The following ATM variants were observed in gnomAD, a reference collection of about 807,000 sequenced individuals.
ATM encodes serine-protein kinase ATM.
Under a neutral mutation model 387.0 loss-of-function variants are expected in ATM, and 308 were observed. The ratio of observed to expected loss-of-function variants is 0.80; its 90% CI spans 0.73 to 0.87. The LOEUF (loss-of-function observed/expected upper bound fraction) is 0.87. Ranked by LOEUF, ATM falls within the 40% of genes least tolerant of loss-of-function variation. The probability of loss-of-function intolerance (pLI) is 0.00; values close to 1 mark genes in which losing one functional copy is unlikely to be tolerated. For missense variants in ATM, 3,312 were observed against 3,560.9 expected (o/e 0.93, Z 1.78); for synonymous variants, 1,156 against 1,187.3 (o/e 0.97, Z 0.54).
rs1060501695 is a variant in ATM, at chr11:108,335,098, C to G, written c.8140C>G (p.Gln2714Glu). 6.2e-7 allele frequency: 1 copy of G among 1,614,014 alleles called. No homozygotes were observed. The highest frequency in any genetic ancestry group is 8.5e-7 in the Non-Finnish European group (1 of 1,179,962). Residue 2714 changes from glutamine to glutamate, a missense_variant, in exon 55 of 63, where the codon CAG (glutamine) becomes GAG (glutamate). Around this residue, in one of 4 missense-constraint regions of ATM, gnomAD observed 1,405 missense variants for 1,604.4 expected, o/e 0.88. Transcript: ENST00000675843. The stretch of plus-strand genomic sequence containing the variant: ...AGGTTCCGATGGCAAGGAGAGGAGA[C>G]AGCTTGTTAAGGTGAGCCTTCCCTT... ...CVGSDGKERRQLVKGRDDLRQ... is the reference protein window; with the variant it reads ...CVGSDGKERRELVKGRDDLRQ...
chr11:108,256,561 T>C lies in ATM; in HGVS notation c.2250+221T>C, dbSNP rs626434. On this transcript the variant is annotated intron_variant, in intron 14 of 62. Coordinates refer to ENST00000675843, the MANE Select transcript of ATM (RefSeq NM_000051.4). The stretch of plus-strand genomic sequence containing the variant: ...ACTTTAAGTTCTGGGGTACATGATG[T>C]AGAGCATGCAGGTTTGTTACATAGA... Among the ~76,000 whole-genome samples the C allele has an allele frequency of 0.99, 151,280 of 152,248 alleles. 75,161 individuals carry two copies. Among genetic ancestry groups the C allele is most frequent in the Middle Eastern group, 1 (294 of 294 alleles).
chr11:108,320,622 G>A (rs2085136258), intron 44 of ATM, among the ~76,000 whole-genome samples: 1 of 152,040 alleles, frequency 6.6e-6, no homozygotes, highest in Non-Finnish European at 1.5e-5. Flanking sequence ...TGTGAAAAAA[G>A]GCTTAGAGAA....
intron 18 of ATM, among the ~76,000 whole-genome samples, chr11:108,270,858 G>A (rs1322790583): frequency 5.9e-5 from 9 of 152,030 alleles, no homozygotes; most frequent in Admixed American, 1.3e-4. Flanking sequence ...ACCACCCCTG[G>A]CTAATTTTTG....
At chr11:108,323,645 A>G (rs963601835) in intron 45 of ATM, among the ~76,000 whole-genome samples, 2 of 152,226 alleles carry the variant, frequency 1.3e-5, no homozygotes, top group South Asian at 2.1e-4. Flanking sequence ...GCTTGTATCA[A>G]AATATCACAC....
At chr11:108,360,440 A>T (rs2090588462) in intron 61 of ATM, among the ~76,000 whole-genome samples, 1 of 135,604 alleles carries the variant, frequency 7.4e-6, no homozygotes. Context: ...TCCCTAACTC[A>T]TTTTATGAGG....
intron 22 of ATM, among the ~76,000 whole-genome samples, chr11:108,275,978 A>G (rs555351004): frequency 6.6e-6 from 1 of 152,336 alleles, no homozygotes; most frequent in African/African-American, 2.4e-5. Flanking sequence ...CATTCTCCCC[A>G]TCACTTTCAG....
In ATM at chr11:108,272,536, C is replaced by T. The variant is rs1263930458; in HGVS notation, c.3082C>T (p.Leu1028=). ...GGAAAACTTACTTGATTTCAGGCAT[C>T]TAACAAAGGAGAGGAAATATATATT... ...FLTVIGAFWH[L]TKERKYIFSV... The change falls in exon 21 of 63, where the codon CTA becomes TTA. Residue 1028 remains leucine (L), a synonymous_variant. Coordinates refer to ENST00000675843, the MANE Select transcript of ATM (RefSeq NM_000051.4). 1 of 1,611,308 alleles carries T rather than the reference C, an allele frequency of 6.2e-7. No homozygotes were observed. The highest frequency in any genetic ancestry group is 8.5e-7 in the Non-Finnish European group (1 of 1,177,584).
At chr11:108,298,620 A>G (rs1370512535) in intron 33 of ATM, among the ~76,000 whole-genome samples, 1 of 152,176 alleles carries the variant, frequency 6.6e-6, no homozygotes, top group Non-Finnish European at 1.5e-5. Flanking sequence ...CTTTCCCCCT[A>G]AGATCAGGAA....
At chr11:108,226,532 A>G (rs1275530429) in intron 1 of ATM, 1 of 152,210 alleles carries the variant, frequency 6.6e-6, no homozygotes, top group South Asian at 2.1e-4. Context: ...TCCTTTTAAA[A>G]CAGAAATGTC....
At chr11:108,311,880 A>C (rs1263892671) in intron 39 of ATM, among the ~76,000 whole-genome samples, 2 of 152,180 alleles carry the variant, frequency 1.3e-5, no homozygotes, top group African/African-American at 4.8e-5. Context: ...AAAATGCATA[A>C]AGTTAAGGCC....
At chr11:108,277,906 G>A (rs575207573) in intron 22 of ATM, among the ~76,000 whole-genome samples, 7 of 151,968 alleles carry the variant, frequency 4.6e-5, no homozygotes, top group South Asian at 2.1e-4. Flanking sequence ...TTACTTCTCC[G>A]TATTCCACTA....
chr11:108,358,574 C>T (rs2090325781), intron 61 of ATM, among the ~76,000 whole-genome samples: 1 of 121,462 alleles, frequency 8.2e-6, no homozygotes, highest in Admixed American at 8.9e-5. Context: ...AAAGGGAAGC[C>T]CATCAGACTA....
chr11:108,333,935 A>G lies in ATM; in HGVS notation c.7977A>G (p.Leu2659=), dbSNP rs2136615106. ...AGCCAATTACTAAACTTAAGAATTT[A>G]GAAGATGTTGTTGTCCCTACTATGG... ...ADQPITKLKN[L]EDVVVPTMEI... Residue 2659 remains leucine (L), a synonymous_variant, in exon 54 of 63, where the codon TTA becomes TTG. Coordinates refer to ENST00000675843, the MANE Select transcript of ATM (RefSeq NM_000051.4). 6.2e-7 allele frequency: 1 copy of G among 1,611,756 alleles called. No homozygotes were observed. The highest frequency in any genetic ancestry group is 8.5e-7 in the Non-Finnish European group (1 of 1,177,868).
At position 108,343,333 on chromosome 11, in the gene ATM, A is replaced by G; in HGVS notation, c.8380A>G (p.Asn2794Asp). 1.9e-6 allele frequency: 3 copies of G among 1,614,054 alleles called. No homozygotes were observed. The highest frequency in any genetic ancestry group is 2.5e-6 in the Non-Finnish European group (3 of 1,179,924). ...EDGAHKRYRP[N>D]DFSAFQCQKK... ...TGGTGCTCATAAAAGATACAGGCCA[A>G]ATGATTTCAGTGCCTTTCAGTGCCA... Residue 2794 changes from asparagine to aspartate, a missense_variant, in exon 57 of 63, where the codon AAT (asparagine) becomes GAT (aspartate). By Grantham distance (23) the Asn-to-Asp change is conservative. This residue lies in a region of ATM where 1,405 missense variants were observed against 1,604.4 expected (regional missense o/e 0.88). Transcript: ENST00000675843.
At chr11:108,357,767 A>G (rs2090188168) in intron 61 of ATM, among the ~76,000 whole-genome samples, 1 of 152,190 alleles carries the variant, frequency 6.6e-6, no homozygotes, top group African/African-American at 2.4e-5. Context: ...ACAAACAGAA[A>G]GGATATCCAC....
rs2082192160 is a variant in ATM, at chr11:108,280,848, A to G, written c.3403-147A>G. The G allele has an allele frequency of 2.9e-6, 2 of 694,104 alleles. 1 individual carries two copies. The highest frequency in any genetic ancestry group is 5.5e-5 in the East Asian group (2 of 36,150). 43.0% of individuals were successfully genotyped at this position (694,104 alleles called of 1,614,324 possible). ...GGTATTGGTCCTTACTCTTTCTTGT[A>G]CCAAAAGACAGAACTAGGATTAGTG... On this transcript the variant is annotated intron_variant, in intron 23 of 62. Transcript: ENST00000675843.
At chr11:108,242,135 CA>C (rs199712751) in intron 5 of ATM, among the ~76,000 whole-genome samples, 1 of 150,588 alleles carries the variant, frequency 6.6e-6, no homozygotes, top group South Asian at 2.1e-4. Context: ...AAACAAAAAA[CA>C]AAAAAAAGAG....
rs1389648050 is a variant in ATM, at chr11:108,334,986, A to G, written c.8028A>G (p.Glu2676=). ...TTTATTAGGTGGACCACACAGGAGA[A>G]TATGGAAATCTGGTGACTATACAGT... ...TMEIKVDHTG[E]YGNLVTIQSF... is the part of the protein sequence containing the mutation. The change falls in exon 55 of 63, where the codon GAA becomes GAG. Residue 2676 remains glutamate (E), a synonymous_variant. Transcript: ENST00000675843. The G allele has an allele frequency of 5.6e-6, 9 of 1,613,556 alleles. No homozygotes were observed. The highest frequency in any genetic ancestry group is 7.6e-6 in the Non-Finnish European group (9 of 1,179,484).
At chr11:108,322,148 C>G (rs1160225907) in intron 45 of ATM, among the ~76,000 whole-genome samples, 1 of 151,680 alleles carries the variant, frequency 6.6e-6, no homozygotes, top group East Asian at 1.9e-4. Flanking sequence ...GTTTTGTTTT[C>G]TTTTTTTTCT....
Sources: allele counts gnomAD v4.1 joint callset (sites outside exome capture counted in the v4.1 genomes callset), GRCh38; gene constraint gnomAD v4.1.1; regional missense constraint gnomAD v4.1.1; transcripts MANE v1.5; gene names NCBI Gene and HGNC (gene_info 2026-07-23, HGNC 2026-07-21).